Variants in LOC112694756 observed in about 807,000 individuals in gnomAD.
At chr16:30,068,671 C>G in the LOC112694756 span, 4 of 1,614,208 alleles carry the variant, frequency 2.5e-6, no homozygotes, top group Non-Finnish European at 3.4e-6. Flanking sequence ...GTCCCCCTGG[C>G]AGGGACAAAT....
chr16:30,066,875 T>A, the LOC112694756 span: 1 of 1,546,578 alleles, frequency 6.5e-7, no homozygotes, highest in Non-Finnish European at 8.7e-7. Context: ...CGGTTCGGTT[T>A]TGTTTTCAGG....
the LOC112694756 span, among the ~76,000 whole-genome samples, chr16:30,060,606 G>T: frequency 6.6e-6 from 1 of 152,126 alleles, no homozygotes; most frequent in South Asian, 2.1e-4. Flanking sequence ...TTCCAAGGGA[G>T]AGAGCCAAGA....
chr16:30,062,842 G>GAA, the LOC112694756 span, among the ~76,000 whole-genome samples: 23 of 117,692 alleles, frequency 2.0e-4, no homozygotes, highest in Admixed American at 3.6e-4. Context: ...CTCCATCTCG[G>GAA]AAAAAAAAAA....
the LOC112694756 span, chr16:30,067,241 C>T: frequency 1.2e-6 from 2 of 1,612,218 alleles, no homozygotes; most frequent in Admixed American, 1.7e-5. Flanking sequence ...CAGGAACTTG[C>T]TACTACCAGC....
chr16:30,068,459 G>T, the LOC112694756 span: 5 of 692,904 alleles, frequency 7.2e-6, no homozygotes, highest in Admixed American at 1.0e-4. Context: ...GAAGACTGGG[G>T]CTAAAGAAGA....
chr16:30,058,694 G>A, the LOC112694756 span, among the ~76,000 whole-genome samples: 2 of 152,126 alleles, frequency 1.3e-5, no homozygotes, highest in African/African-American at 2.4e-5. Flanking sequence ...GTGTTAGCCA[G>A]GATGGTCTTG....
chr16:30,065,326 C>A, the LOC112694756 span, among the ~76,000 whole-genome samples: 1 of 152,224 alleles, frequency 6.6e-6, no homozygotes. Context: ...TATGGTGACA[C>A]GCGCTGCAGC....
At chr16:30,063,353 C>G in the LOC112694756 span, among the ~76,000 whole-genome samples, 1 of 152,120 alleles carries the variant, frequency 6.6e-6, no homozygotes, top group African/African-American at 2.4e-5. Flanking sequence ...TGTGCTTTCT[C>G]TGTCTACTGC....
the LOC112694756 span, among the ~76,000 whole-genome samples, chr16:30,060,961 C>G: frequency 6.6e-6 from 1 of 152,256 alleles, no homozygotes. Flanking sequence ...ACACCACACC[C>G]TGAAACCTCA....
chr16:30,060,403 T>C, the LOC112694756 span, among the ~76,000 whole-genome samples: 1 of 152,136 alleles, frequency 6.6e-6, no homozygotes, highest in Non-Finnish European at 1.5e-5. Flanking sequence ...CGATGATGGC[T>C]GGCTCTCACA....
chr16:30,062,351 C>T, the LOC112694756 span, among the ~76,000 whole-genome samples: 2 of 151,108 alleles, frequency 1.3e-5, no homozygotes, highest in Non-Finnish European at 2.9e-5. Flanking sequence ...CATGATGAAA[C>T]CCTGTCTCTA....
chr16:30,054,742 CT>C, the LOC112694756 span: 1 of 399,290 alleles, frequency 2.5e-6, no homozygotes, highest in South Asian at 1.3e-4. Context: ...CCTGCAGCCC[CT>C]CTCCATCTCC....
At chr16:30,053,163 G>C in the LOC112694756 span, 1 of 152,420 alleles carries the variant, frequency 6.6e-6, no homozygotes, top group African/African-American at 2.4e-5. Flanking sequence ...TCCCTCGGAC[G>C]ATTGGACCTA....
At chr16:30,055,736 T>G in the LOC112694756 span, among the ~76,000 whole-genome samples, 1 of 152,026 alleles carries the variant, frequency 6.6e-6, no homozygotes, top group Non-Finnish European at 1.5e-5. Context: ...GAGAACTAAG[T>G]TGTTTTTTTT....
the LOC112694756 span, chr16:30,067,707 G>A: frequency 3.1e-6 from 5 of 1,609,000 alleles, no homozygotes; most frequent in African/African-American, 6.7e-5. Context: ...GGAAGTGGAG[G>A]AAGGAAATCC....
At chr16:30,054,578 T>C in the LOC112694756 span, 1 of 383,600 alleles carries the variant, frequency 2.6e-6, no homozygotes, top group East Asian at 3.7e-5. Flanking sequence ...AATGCTGAAG[T>C]GCTTGATGTT....
the LOC112694756 span, chr16:30,068,996 C>G: frequency 1.2e-6 from 2 of 1,614,196 alleles, no homozygotes; most frequent in Non-Finnish European, 8.5e-7. Context: ...TGCAGGTCCT[C>G]AATAGGCAAC....
chr16:30,058,971 A>C, the LOC112694756 span: 1 of 398,514 alleles, frequency 2.5e-6, no homozygotes, highest in Non-Finnish European at 4.4e-6. Context: ...AGAGAGAGAA[A>C]TAACCAGGCC....
the LOC112694756 span, chr16:30,069,198 T>C: frequency 7.1e-7 from 1 of 1,407,804 alleles, no homozygotes; most frequent in Non-Finnish European, 1.0e-6. Context: ...CTTTGAAGCC[T>C]GAGTCCCTGG....
Sources: allele counts gnomAD v4.1 joint callset (sites outside exome capture counted in the v4.1 genomes callset), GRCh38; gene constraint gnomAD v4.1.1; transcripts MANE v1.5.